Variants in ALG9 observed in about 807,000 individuals in gnomAD.
The protein encoded by ALG9 is alpha-1,2-mannosyltransferase ALG9.
Under a neutral mutation model 81.8 loss-of-function variants are expected in ALG9, and 55 were observed. The ratio of observed to expected loss-of-function variants is 0.67; its 90% CI spans 0.54 to 0.84. The LOEUF (loss-of-function observed/expected upper bound fraction) is 0.84. ALG9 is among the 40% of genes least tolerant of loss of function. The probability of loss-of-function intolerance (pLI) is 0.00; values close to 1 mark genes in which losing one functional copy is unlikely to be tolerated. For missense variants in ALG9, 629 were observed against 745.0 expected (o/e 0.84, Z 1.81); for synonymous variants, 278 against 274.3 (o/e 1.01, Z -0.13).
intron 14 of ALG9, among the ~76,000 whole-genome samples, chr11:111,808,367 A>C (rs1950229584): frequency 6.6e-6 from 1 of 152,052 alleles, no homozygotes; most frequent in South Asian, 2.1e-4. Context: ...AGCTCACCAA[A>C]CTCAGTTTTG....
chr11:111,826,404 CA>C (rs1270555886), intron 13 of ALG9, among the ~76,000 whole-genome samples: 1 of 143,604 alleles, frequency 7.0e-6, no homozygotes, highest in African/African-American at 2.6e-5. Flanking sequence ...AAAAAAAAAA[CA>C]AAAAAAAACT....
intron 13 of ALG9, among the ~76,000 whole-genome samples, chr11:111,813,709 T>C (rs1477787785): frequency 2.0e-5 from 3 of 152,138 alleles, no homozygotes; most frequent in Non-Finnish European, 2.9e-5. Flanking sequence ...TTAGGTACTT[T>C]ATAAGAATAA....
chr11:111,800,418 T>G (rs1948935461), intron 14 of ALG9, among the ~76,000 whole-genome samples: 1 of 152,042 alleles, frequency 6.6e-6, no homozygotes, highest in Non-Finnish European at 1.5e-5. Flanking sequence ...GAGGCAGAGG[T>G]TGCAGTGAGC....
intron 9 of ALG9, 139 bp downstream of exon 9, chr11:111,844,462 G>T: frequency 8.0e-7 from 1 of 1,256,660 alleles, no homozygotes; most frequent in Non-Finnish European, 1.2e-6. Flanking sequence ...AACAAACACA[G>T]ACTGAAAATT....
the ALG9 span, chr11:111,768,673 T>TGG: frequency 1.3e-5 from 2 of 151,988 alleles, no homozygotes; most frequent in African/African-American, 4.8e-5. Context: ...TGTGTGTGTG[T>TGG]GTTTAACAAA....
intron 14 of ALG9, among the ~76,000 whole-genome samples, chr11:111,801,758 C>T (rs575525504): frequency 1.3e-5 from 2 of 152,138 alleles, no homozygotes; most frequent in African/African-American, 4.8e-5. Flanking sequence ...AAAATCATGC[C>T]CTGAACACAA....
chr11:111,777,369 A>G (rs144015478), downstream of ALG9, among the ~76,000 whole-genome samples: 62 of 152,364 alleles, frequency 4.1e-4, no homozygotes, highest in Non-Finnish European at 7.9e-4. Flanking sequence ...AAGAAATGCA[A>G]TGAAGATATT....
intron 10 of ALG9, 148 bp downstream of exon 10, chr11:111,840,507 A>C: frequency 1.1e-6 from 1 of 900,956 alleles, no homozygotes; most frequent in South Asian, 1.5e-5. Flanking sequence ...TCAATATAAG[A>C]AGGTTTAATA....
chr11:111,828,775 AGTTATTT>A (rs1300468479), intron 13 of ALG9: 3 of 152,190 alleles, frequency 2.0e-5, no homozygotes, highest in African/African-American at 7.2e-5. Flanking sequence ...CCCCCATTAC[AGTTATTT>A]TTTTTCCATG....
intron 13 of ALG9, 151 bp from the exon 14 acceptor site, chr11:111,809,924 A>AT: frequency 1.1e-6 from 1 of 882,534 alleles, no homozygotes; most frequent in Non-Finnish European, 1.8e-6. Context: ...CTCCACTCAG[A>AT]TAAGAGTATT....
At chr11:111,857,178 A>G (rs1187289229) in intron 6 of ALG9, among the ~76,000 whole-genome samples, 11 of 152,240 alleles carry the variant, frequency 7.2e-5, no homozygotes, top group African/African-American at 2.4e-4. Context: ...AATCCGAGTG[A>G]GTGAAAAAAT....
At chr11:111,768,332 T>G in the ALG9 span, among the ~76,000 whole-genome samples, 1 of 152,210 alleles carries the variant, frequency 6.6e-6, no homozygotes, top group Non-Finnish European at 1.5e-5. Context: ...TTTAATTGAA[T>G]AGTATTCATT....
At chr11:111,802,104 G>A (rs1949212876) in intron 14 of ALG9, among the ~76,000 whole-genome samples, 1 of 152,062 alleles carries the variant, frequency 6.6e-6, no homozygotes, top group Admixed American at 6.6e-5. Context: ...CACTCTCCCA[G>A]TGCTTTCCCC....
At chr11:111,831,451 T>G (rs1032307259) in intron 13 of ALG9, among the ~76,000 whole-genome samples, 2 of 152,124 alleles carry the variant, frequency 1.3e-5, no homozygotes, top group Admixed American at 6.5e-5. Context: ...TGAGCTATGA[T>G]GATGACACTG....
At chr11:111,809,559 C>T in intron 14 of ALG9, 84 bp downstream of exon 14, 1 of 1,541,302 alleles carries the variant, frequency 6.5e-7, no homozygotes, top group East Asian at 2.3e-5. Context: ...TAGAGTCAAC[C>T]CAGGACTGGA....
In ALG9 at chr11:111,786,247, T is replaced by C. The variant is rs966713273; in HGVS notation, c.*150A>G. The C allele has an allele frequency of 3.2e-6, 4 of 1,246,422 alleles. No homozygotes were observed. The East Asian group carries it at 7.2e-5, about 23-fold the overall frequency. 77.2% of individuals were successfully genotyped at this position (1,246,422 alleles called of 1,614,324 possible). On this transcript the variant is annotated 3_prime_UTR_variant, in exon 15 of 15. Transcript: ENST00000616540. ...ATGTGACTTTGATTAGACTTTGAAA[T>C]AGACTTTGACTAGCCCAGAGCACCC...
intron 13 of ALG9, among the ~76,000 whole-genome samples, chr11:111,816,418 T>C (rs534713779): frequency 1.3e-5 from 2 of 152,158 alleles, no homozygotes; most frequent in South Asian, 2.1e-4. Context: ...AGTTAATTTA[T>C]TTTTATTTTT....
At chr11:111,779,817 A>C (rs117898766), downstream of ALG9, among the ~76,000 whole-genome samples, 998 of 152,366 alleles carry the variant, frequency 6.6e-3, 7 homozygotes, top group Middle Eastern at 0.054. Flanking sequence ...ATTTAAACCC[A>C]ATTGTTAATT....
At chr11:111,826,008 G>A (rs1450808289) in intron 13 of ALG9, among the ~76,000 whole-genome samples, 6 of 151,196 alleles carry the variant, frequency 4.0e-5, no homozygotes, top group East Asian at 1.9e-4. Context: ...AGAGGTTGCG[G>A]TGAGCCGAGA....
Sources: gnomAD v4.1 joint callset for allele counts (sites outside exome capture counted in the v4.1 genomes callset) on GRCh38, gnomAD v4.1.1 for gene constraint, MANE v1.5 for transcripts, NCBI Gene and HGNC (gene_info 2026-07-23, HGNC 2026-07-21) for gene names.